Variants in CCSER1 observed in about 807,000 individuals in gnomAD.
CCSER1 encodes serine-rich coiled-coil domain-containing protein 1.
In CCSER1, 41 loss-of-function variants were observed where a neutral mutation model predicts 82.0. That is an observed-to-expected ratio of 0.50 (90% confidence interval 0.39 to 0.65). CCSER1 has a LOEUF of 0.65. CCSER1 is among the 30% of genes least tolerant of loss of function. CCSER1 has a pLI of 0.00. For missense variants in CCSER1, 1,119 were observed against 1,064.2 expected, an observed-to-expected ratio of 1.05 and a Z score of -0.72; for synonymous variants, 414 against 383.9, an observed-to-expected ratio of 1.08 and a Z score of -0.92.
chr4:90,375,800 CA>C (rs1748206706), intron 3 of CCSER1, among the ~76,000 whole-genome samples: 2 of 152,126 alleles, frequency 1.3e-5, no homozygotes, highest in Non-Finnish European at 2.9e-5. Flanking sequence ...AGACACATAC[CA>C]TTTGCTGGCT....
chr4:90,485,523 C>T (rs1421304390), intron 5 of CCSER1, among the ~76,000 whole-genome samples: 1 of 150,318 alleles, frequency 6.7e-6, no homozygotes. Context: ...GCTCCACCCC[C>T]CCCCCCCAAT....
intron 5 of CCSER1, among the ~76,000 whole-genome samples, chr4:90,502,254 G>T (rs1360599138): frequency 1.3e-5 from 2 of 152,148 alleles, no homozygotes; most frequent in Non-Finnish European, 2.9e-5. Flanking sequence ...GAGGAAGTGT[G>T]AAGGGGAAGC....
At chr4:90,485,181 G>A (rs113346019) in intron 5 of CCSER1, among the ~76,000 whole-genome samples, 4,355 of 152,280 alleles carry the variant, frequency 0.029, 119 homozygotes, top group African/African-American at 0.077. Context: ...AGCCAGTTGC[G>A]GGATATAATC....
At chr4:91,065,755 T>A (rs1720746125) in intron 9 of CCSER1, among the ~76,000 whole-genome samples, 1 of 152,142 alleles carries the variant, frequency 6.6e-6, no homozygotes, top group South Asian at 2.1e-4. Context: ...GGACAGCTAT[T>A]AGTTGATACA....
At chr4:90,885,892 T>C (rs944706107) in intron 8 of CCSER1, among the ~76,000 whole-genome samples, 5 of 152,214 alleles carry the variant, frequency 3.3e-5, no homozygotes, top group Admixed American at 3.3e-4. Context: ...AAATGTTCTC[T>C]TCCTGATCCT....
intron 9 of CCSER1, among the ~76,000 whole-genome samples, chr4:90,986,699 A>C (rs1166821672): frequency 6.6e-6 from 1 of 151,836 alleles, no homozygotes; most frequent in African/African-American, 2.4e-5. Context: ...TTGGGTAAAA[A>C]AATGGCAGTA....
intron 10 of CCSER1, among the ~76,000 whole-genome samples, chr4:91,262,263 G>C (rs1380267895): frequency 6.6e-6 from 1 of 151,974 alleles, no homozygotes; most frequent in East Asian, 1.9e-4. Flanking sequence ...AGTTTCTTGT[G>C]AGTTTACAAT....
At chr4:90,303,900 C>T (rs1449441386) in intron 1 of CCSER1, among the ~76,000 whole-genome samples, 2 of 151,834 alleles carry the variant, frequency 1.3e-5, no homozygotes, top group South Asian at 2.1e-4. Context: ...GCAACCTACT[C>T]ATCTGACAAA....
chr4:90,932,602 C>T (rs1421495040), intron 9 of CCSER1, among the ~76,000 whole-genome samples: 7 of 151,718 alleles, frequency 4.6e-5, no homozygotes, highest in Admixed American at 3.9e-4. Context: ...CCCAGGCGGG[C>T]GAATCACCCG....
chr4:91,370,128 G>T (rs886911634), intron 10 of CCSER1, among the ~76,000 whole-genome samples: 3 of 151,904 alleles, frequency 2.0e-5, no homozygotes, highest in African/African-American at 7.3e-5. Context: ...TTTAATTTGG[G>T]GATATAAGAC....
intron 10 of CCSER1, among the ~76,000 whole-genome samples, chr4:91,202,302 G>A (rs1454178321): frequency 6.6e-6 from 1 of 151,964 alleles, no homozygotes; most frequent in East Asian, 1.9e-4. Flanking sequence ...GGTGCAAGAT[G>A]GCATTGTAGC....
In CCSER1 at chr4:91,160,899, T is replaced by C. The variant is rs140219429; in HGVS notation, c.2217+74905T>C. On this transcript the variant is annotated intron_variant, in intron 10 of 10. Transcript: ENST00000509176. ...TTTCTTTTGCTGTGCAGGAGCCCTT[T>C]AGTTTAATTAAATCCCATTTATCTA... 8.1e-3 allele frequency among the ~76,000 whole-genome samples: 1,232 copies of C among 152,304 alleles called. 7 individuals carry two copies. Among genetic ancestry groups the C allele is most frequent in the African/African-American group, 0.019 (787 of 41,558 alleles).
intron 10 of CCSER1, among the ~76,000 whole-genome samples, chr4:91,182,858 C>T (rs563196310): frequency 6.1e-4 from 93 of 152,300 alleles, no homozygotes; most frequent in Middle Eastern, 3.4e-3. Flanking sequence ...TTCCAGTCCT[C>T]GAGGATTAAC....
intron 10 of CCSER1, among the ~76,000 whole-genome samples, chr4:91,473,166 A>AACTT (rs562642390): frequency 1.0e-3 from 156 of 152,316 alleles, no homozygotes; most frequent in African/African-American, 3.4e-3. Flanking sequence ...GAGATGAGCA[A>AACTT]ACTTGGAATG....
intron 8 of CCSER1, among the ~76,000 whole-genome samples, chr4:90,883,543 T>G (rs1458048546): frequency 1.3e-5 from 2 of 150,822 alleles, no homozygotes; most frequent in Admixed American, 1.3e-4. Context: ...TCTGAGATTT[T>G]TTTTTTAGGT....
chr4:90,917,192 G>T (rs1233889183), intron 8 of CCSER1, among the ~76,000 whole-genome samples: 2 of 152,076 alleles, frequency 1.3e-5, no homozygotes, highest in Non-Finnish European at 2.9e-5. Context: ...TATAAATCAT[G>T]CTGCTATAAA....
intron 10 of CCSER1, among the ~76,000 whole-genome samples, chr4:91,294,801 A>G (rs1183934720): frequency 6.6e-6 from 1 of 151,936 alleles, no homozygotes; most frequent in Non-Finnish European, 1.5e-5. Context: ...TAGCCTAATT[A>G]CATTGTACAG....
At chr4:90,755,681 G>T (rs1350898641) in intron 7 of CCSER1, among the ~76,000 whole-genome samples, 1 of 152,128 alleles carries the variant, frequency 6.6e-6, no homozygotes, top group Non-Finnish European at 1.5e-5. Flanking sequence ...CAGTGGATTT[G>T]AAAGAGAAGT....
intron 8 of CCSER1, among the ~76,000 whole-genome samples, chr4:90,833,403 A>C (rs1761383589): frequency 6.6e-6 from 1 of 152,196 alleles, no homozygotes. Context: ...ACAGACATTC[A>C]AACCATAGCA....
Sources: allele counts gnomAD v4.1 joint callset (sites outside exome capture counted in the v4.1 genomes callset), GRCh38; gene constraint gnomAD v4.1.1; transcripts MANE v1.5; gene names NCBI Gene and HGNC (gene_info 2026-07-23, HGNC 2026-07-21).